CSMD3: variants seen among roughly 807,000 people sequenced by gnomAD.
CSMD3 encodes CUB and sushi domain-containing protein 3.
Under a neutral mutation model 435.2 loss-of-function variants are expected in CSMD3, and 177 were observed. That is an observed-to-expected ratio of 0.41 (90% CI 0.36 to 0.46). CSMD3 has a LOEUF of 0.46. CSMD3 is among the 20% of genes least tolerant of loss of function. The pLI, the probability that CSMD3 is intolerant of heterozygous loss-of-function variation, is 0.34. For missense variants in CSMD3, 4,265 were observed against 4,504.6 expected, an observed-to-expected ratio of 0.95 and a Z score of 1.52; for synonymous variants, 1,656 against 1,520.5, an observed-to-expected ratio of 1.09 and a Z score of -2.07.
chr8:112,932,627 G>GAA (rs570591489), intron 9 of CSMD3, among the ~76,000 whole-genome samples: 61 of 147,846 alleles, frequency 4.1e-4, no homozygotes, highest in African/African-American at 1.5e-3. Flanking sequence ...GACAGAGCGA[G>GAA]AAAAAAAAAA....
At chr8:112,908,792 A>G (rs1343316932) in intron 10 of CSMD3, among the ~76,000 whole-genome samples, 3 of 151,570 alleles carry the variant, frequency 2.0e-5, no homozygotes, top group Non-Finnish European at 4.4e-5. Context: ...AGATTTCACA[A>G]AAGTTTTTCT....
rs1352318441 is a variant in CSMD3 at position 113,138,809 on chromosome 8, T to TAG, written c.709+34911_709+34912dup. ...AAGTCGTTCTCAGAACTAAACGTGT[T>TAG]AGTGTGTGTGTGTGTGTGTGTGTGT... On this transcript the variant is annotated intron_variant, in intron 4 of 70. Coordinates refer to ENST00000297405, the MANE Select transcript of CSMD3 (RefSeq NM_198123.2). Among the ~76,000 whole-genome samples, 7 of 93,634 alleles carry TAG rather than the reference T, an allele frequency of 7.5e-5. No individual in the cohort carries two copies. In the South Asian group the frequency reaches 1.4e-3, roughly 18 times the overall value. 61.4% of individuals were successfully genotyped at this position (93,634 alleles called of 152,430 possible).
At chr8:112,270,589 G>T (rs1449401668) in intron 59 of CSMD3, among the ~76,000 whole-genome samples, 1 of 152,002 alleles carries the variant, frequency 6.6e-6, no homozygotes, top group African/African-American at 2.4e-5. Flanking sequence ...TCAGTTCCTA[G>T]CAAAGTGCCC....
At chr8:113,265,039 C>A (rs2093458161) in intron 3 of CSMD3, among the ~76,000 whole-genome samples, 1 of 151,580 alleles carries the variant, frequency 6.6e-6, no homozygotes. Context: ...CTTCTCACAG[C>A]CTACTGTGAG....
At chr8:112,310,810 C>T in intron 50 of CSMD3, 168 bp downstream of exon 50, 1 of 711,122 alleles carries the variant, frequency 1.4e-6, no homozygotes, top group East Asian at 2.7e-5. Context: ...TGTTTCTTTC[C>T]CCTGGAATTT....
At chr8:112,316,693 A>G (rs2130849323) in intron 47 of CSMD3, among the ~76,000 whole-genome samples, 1 of 152,044 alleles carries the variant, frequency 6.6e-6, no homozygotes, top group Middle Eastern at 3.4e-3. Flanking sequence ...TGTACATATG[A>G]GAAAACTGAT....
At chr8:112,536,926 A>T (rs1826155518) in intron 27 of CSMD3, among the ~76,000 whole-genome samples, 1 of 152,004 alleles carries the variant, frequency 6.6e-6, no homozygotes, top group Admixed American at 6.6e-5. Flanking sequence ...AGAACAAAAA[A>T]CCAAACACCG....
At chr8:112,829,862 A>C (rs1300390856) in intron 11 of CSMD3, 73 bp from the exon 12 acceptor site, 1 of 771,936 alleles carries the variant, frequency 1.3e-6, no homozygotes. Flanking sequence ...AAGCAATGAC[A>C]GAAATGCATT....
At chr8:113,101,749 G>A (rs901861047) in intron 4 of CSMD3, among the ~76,000 whole-genome samples, 3 of 151,974 alleles carry the variant, frequency 2.0e-5, no homozygotes, top group Non-Finnish European at 4.4e-5. Flanking sequence ...CTCTTGTACT[G>A]AGTTCTATGC....
intron 31 of CSMD3, among the ~76,000 whole-genome samples, chr8:112,473,776 T>C (rs1818763864): frequency 1.3e-5 from 2 of 148,824 alleles, no homozygotes; most frequent in Admixed American, 6.8e-5. Flanking sequence ...TCCTTCACCC[T>C]TGGAGTCAGA....
rs2130753725 is a variant in CSMD3 at position 112,472,614 on chromosome 8, G to C, written c.5372C>G (p.Ser1791Cys). 6.3e-7 allele frequency: 1 copy of C among 1,590,366 alleles called. No individual in the cohort carries two copies. Among genetic ancestry groups the C allele is most frequent in the South Asian group, 1.1e-5 (1 of 90,600 alleles). ...NYSVGHNCVY[S>C]IAVPKEFVVF... is the part of the protein sequence containing the mutation. ...ACCAAACTCCTTTGGAACTGCTATA[G>C]AATAAACACAATTATGTCCCACACT... Residue 1791 changes from serine to cysteine, a missense_variant, in exon 32 of 71, where the codon TCT (serine) becomes TGT (cysteine). Coordinates refer to ENST00000297405, the MANE Select transcript of CSMD3 (RefSeq NM_198123.2).
intron 3 of CSMD3, among the ~76,000 whole-genome samples, chr8:113,202,299 C>T (rs1202699782): frequency 1.3e-5 from 2 of 152,098 alleles, no homozygotes; most frequent in Non-Finnish European, 2.9e-5. Context: ...AGTTCTCTAA[C>T]TCTGAAAGCA....
At chr8:112,552,842 T>G (rs1317826746) in intron 25 of CSMD3, 122 bp from the exon 26 acceptor site, 1 of 830,660 alleles carries the variant, frequency 1.2e-6, no homozygotes, top group Non-Finnish European at 1.9e-6. Context: ...AGTATACATT[T>G]GTATAAACTT....
At chr8:112,684,178 G>C (rs2131796544) in intron 15 of CSMD3, among the ~76,000 whole-genome samples, 1 of 152,018 alleles carries the variant, frequency 6.6e-6, no homozygotes, top group South Asian at 2.1e-4. Context: ...ATTATAGATA[G>C]ATAGATGCAT....
At position 112,944,150 on chromosome 8, in the gene CSMD3, C is replaced by T. The variant is rs562546153; in HGVS notation, c.1508+3640G>A. 1.4e-3 allele frequency among the ~76,000 whole-genome samples: 208 copies of T among 151,764 alleles called. 1 individual carries two copies. Among genetic ancestry groups the T allele is most frequent in the African/African-American group, 4.8e-3 (198 of 41,490 alleles). On this transcript the variant is annotated intron_variant, in intron 9 of 70. Transcript: ENST00000297405. The stretch of plus-strand genomic sequence containing the variant: ...TTTTTCTCTCAGTCTTAAACTTTCT[C>T]TCCCATCCATCCTCATCTCCTTATA...
chr8:113,126,843 A>G (rs1255977842), intron 4 of CSMD3, among the ~76,000 whole-genome samples: 1 of 151,868 alleles, frequency 6.6e-6, no homozygotes, highest in Non-Finnish European at 1.5e-5. Flanking sequence ...CCCTCCCTGC[A>G]ATTAACACAG....
chr8:113,006,789 G>A, intron 6 of CSMD3, among the ~76,000 whole-genome samples: 1 of 151,896 alleles, frequency 6.6e-6, no homozygotes, highest in East Asian at 1.9e-4. Context: ...ACTGGGATAT[G>A]GAGGGGCAAG....
chr8:113,389,122 T>G (rs1008881230), intron 1 of CSMD3, among the ~76,000 whole-genome samples: 7 of 151,636 alleles, frequency 4.6e-5, no homozygotes, highest in Non-Finnish European at 8.9e-5. Context: ...TGACTCAGTA[T>G]GATGAAAATC....
chr8:112,763,692 A>G (rs1183728863), intron 13 of CSMD3, among the ~76,000 whole-genome samples: 4 of 150,426 alleles, frequency 2.7e-5, no homozygotes, highest in Non-Finnish European at 5.9e-5. Flanking sequence ...GTTTGCTATT[A>G]TAATTTTTTT....
Sources: gnomAD v4.1 joint callset for allele counts (sites outside exome capture counted in the v4.1 genomes callset) on GRCh38, gnomAD v4.1.1 for gene constraint, MANE v1.5 for transcripts, NCBI Gene and HGNC (gene_info 2026-07-23, HGNC 2026-07-21) for gene names.